The following NFIL3 variants were observed in gnomAD, a reference collection of about 807,000 sequenced individuals.
The protein encoded by NFIL3 is nuclear factor interleukin-3-regulated protein.
A neutral mutation model predicts 10.0 loss-of-function variants in NFIL3; 5 were observed. The ratio of observed to expected loss-of-function variants is 0.50; its 90% CI spans 0.26 to 1.06. The LOEUF is 1.06. Ranked by LOEUF, NFIL3 falls within the 50% of genes least tolerant of loss-of-function variation. The pLI is 0.13. For missense variants in NFIL3, 436 were observed against 547.6 expected, an observed-to-expected ratio of 0.80 and a Z score of 2.03; for synonymous variants, 202 against 206.5, an observed-to-expected ratio of 0.98 and a Z score of 0.19.
At chr9:91,438,238 G>A in the NFIL3 span, among the ~76,000 whole-genome samples, 1 of 152,088 alleles carries the variant, frequency 6.6e-6, no homozygotes, top group Non-Finnish European at 1.5e-5. Context: ...TTGTGATTTT[G>A]ACTCGTGTTT....
chr9:91,447,735 C>G, the NFIL3 span, among the ~76,000 whole-genome samples: 8 of 152,018 alleles, frequency 5.3e-5, no homozygotes, highest in Non-Finnish European at 1.2e-4. Flanking sequence ...GATATTGAAC[C>G]CTTATGAGTT....
At chr9:91,474,674 T>C in the NFIL3 span, among the ~76,000 whole-genome samples, 1,807 of 152,344 alleles carry the variant, frequency 0.012, 35 homozygotes, top group African/African-American at 0.041. Context: ...TTGTGGATTT[T>C]CATCCTGGGA....
upstream of NFIL3, among the ~76,000 whole-genome samples, chr9:91,428,544 A>G (rs1285413289): frequency 6.6e-6 from 1 of 152,272 alleles, no homozygotes; most frequent in Non-Finnish European, 1.5e-5. Context: ...AGATGGTCAC[A>G]TAACATTCCC....
chr9:91,477,350 T>C, the NFIL3 span, among the ~76,000 whole-genome samples: 2 of 152,218 alleles, frequency 1.3e-5, no homozygotes, highest in African/African-American at 4.8e-5. Flanking sequence ...CTCTTCTCTC[T>C]GCAGCTGCAG....
chr9:91,468,153 A>G, the NFIL3 span, among the ~76,000 whole-genome samples: 1 of 152,212 alleles, frequency 6.6e-6, no homozygotes, highest in Admixed American at 6.5e-5. Context: ...AGTCCCACCA[A>G]CAGTGTAAAA....
chr9:91,440,430 T>G, the NFIL3 span, among the ~76,000 whole-genome samples: 1 of 152,090 alleles, frequency 6.6e-6, no homozygotes, highest in Admixed American at 6.5e-5. Context: ...TGTTTTTAAA[T>G]TTTGTTTACT....
rs117227249 is a variant in NFIL3, at chr9:91,411,154, G to A, written c.-172-248C>T. On this transcript the variant is annotated intron_variant, in intron 1 of 1. Transcript: ENST00000297689. The stretch of plus-strand genomic sequence containing the variant: ...AAGAGAATATGTGATCCAGGAAAGT[G>A]AGGGAAAAATAAAATAACCTCTGCC... Among the ~76,000 whole-genome samples the A allele has an allele frequency of 7.0e-3, 1,073 of 152,314 alleles. 7 individuals are homozygous for A. The highest frequency in any genetic ancestry group is 0.012 in the Admixed American group (178 of 15,296).
chr9:91,409,539 TGC>T lies in NFIL3; in HGVS notation c.1194_1195del (p.Trp398Ter). ...AGTTTTGCCACTCAGTTCTTTTTGA[TGC>T]CAGTGCTCCGATTTGAGAGACCAAT... On this transcript the variant is annotated stop_gained and frameshift_variant, in exon 2 of 2. Coordinates refer to ENST00000297689, the MANE Select transcript of NFIL3 (RefSeq NM_005384.3). LOFTEE classifies it high-confidence loss of function. 2 of 1,613,910 alleles carry T rather than the reference TGC, an allele frequency of 1.2e-6. No individual in the cohort carries two copies. The highest frequency in any genetic ancestry group is 1.7e-6 in the Non-Finnish European group (2 of 1,179,908).
rs369521634 is a variant in NFIL3 at position 91,409,948 on chromosome 9, G to C, written c.787C>G (p.Gln263Glu). 3 of 1,613,666 alleles carry C rather than the reference G, an allele frequency of 1.9e-6. No individual in the cohort carries two copies. Among genetic ancestry groups the C allele is most frequent in the Non-Finnish European group, 2.5e-6 (3 of 1,180,018 alleles). ...GAGTTGCTGGAGGATCGGTTGACTT[G>C]CAGTAGTGGGGGAGAGTGTGAGTAC... ...SGYSHSPPLL[Q>E]VNRSSSNSPR... The change falls in exon 2 of 2, where the codon CAA becomes GAA. Residue 263 changes from glutamine (Q) to glutamate (E), a missense_variant. This residue lies in a region of NFIL3 where 338 missense variants were observed against 399.9 expected (regional missense o/e 0.85). Coordinates refer to ENST00000297689, the MANE Select transcript of NFIL3 (RefSeq NM_005384.3).
the NFIL3 span, among the ~76,000 whole-genome samples, chr9:91,468,472 TCCCATTCTGTAGGTTGC>T: frequency 2.6e-5 from 4 of 152,210 alleles, no homozygotes; most frequent in African/African-American, 9.6e-5. Context: ...AAAAATTTTC[TCCCATTCTGTAGGTTGC>T]CTGTTCACTC....
intron 1 of NFIL3, among the ~76,000 whole-genome samples, chr9:91,413,435 G>A (rs970022258): frequency 6.6e-6 from 1 of 151,914 alleles, no homozygotes; most frequent in Non-Finnish European, 1.5e-5. Flanking sequence ...ATTTTTAGTA[G>A]AGACGGGATT....
At chr9:91,445,435 G>C in the NFIL3 span, among the ~76,000 whole-genome samples, 4 of 152,178 alleles carry the variant, frequency 2.6e-5, no homozygotes, top group Admixed American at 2.6e-4. Flanking sequence ...CCATGGAGTG[G>C]GCATGCCTCA....
At chr9:91,424,364 C>T (rs980998897), upstream of NFIL3, among the ~76,000 whole-genome samples, 3 of 152,188 alleles carry the variant, frequency 2.0e-5, no homozygotes, top group African/African-American at 7.2e-5. Flanking sequence ...GTGGCCCGGA[C>T]CTCGGCCTCC....
chr9:91,477,857 C>A, the NFIL3 span, among the ~76,000 whole-genome samples: 1 of 151,884 alleles, frequency 6.6e-6, no homozygotes, highest in South Asian at 2.1e-4. Context: ...ACTCTGAGTT[C>A]TGGGACACAT....
chr9:91,458,318 T>C, the NFIL3 span, among the ~76,000 whole-genome samples: 2 of 152,154 alleles, frequency 1.3e-5, no homozygotes, highest in Non-Finnish European at 2.9e-5. Flanking sequence ...AATTTCATTA[T>C]GAGATTCAGG....
chr9:91,450,318 T>C, the NFIL3 span, among the ~76,000 whole-genome samples: 6 of 152,270 alleles, frequency 3.9e-5, no homozygotes, highest in Middle Eastern at 3.4e-3. Flanking sequence ...AGATCTTCCT[T>C]CTTTTTAATG....
At chr9:91,475,814 T>C in the NFIL3 span, among the ~76,000 whole-genome samples, 2 of 152,192 alleles carry the variant, frequency 1.3e-5, no homozygotes, top group Non-Finnish European at 2.9e-5. Context: ...ATAATATAGA[T>C]TAAATGAATT....
chr9:91,469,831 A>G, the NFIL3 span, among the ~76,000 whole-genome samples: 10 of 152,124 alleles, frequency 6.6e-5, no homozygotes, highest in African/African-American at 1.9e-4. Context: ...GCTGGATTAC[A>G]TTTATTGATT....
chr9:91,444,059 G>T, the NFIL3 span, among the ~76,000 whole-genome samples: 1 of 152,094 alleles, frequency 6.6e-6, no homozygotes, highest in East Asian at 1.9e-4. Flanking sequence ...ATTCCATGTT[G>T]CAAGCATTTG....
Sources: allele counts gnomAD v4.1 joint callset (sites outside exome capture counted in the v4.1 genomes callset), GRCh38; gene constraint gnomAD v4.1.1; regional missense constraint gnomAD v4.1.1; transcripts MANE v1.5; gene names NCBI Gene and HGNC (gene_info 2026-07-23, HGNC 2026-07-21).